PIGF: variants seen among roughly 807,000 people sequenced by gnomAD.
The protein encoded by PIGF is phosphatidylinositol glycan anchor biosynthesis class F.
Under a neutral mutation model 26.0 loss-of-function variants are expected in PIGF, and 23 were observed. That is an observed-to-expected ratio of 0.88 (90% confidence interval 0.64 to 1.25). The LOEUF (loss-of-function observed/expected upper bound fraction) is 1.25, where lower values mean the gene tolerates loss of function less well. PIGF is among the 50% of genes most tolerant of loss of function. PIGF has a pLI of 0.00. For missense variants in PIGF, 278 were observed against 249.9 expected (o/e 1.11, Z -0.76); for synonymous variants, 93 against 92.6 (o/e 1.00, Z -0.03).
chr2:46,610,201 C>G (rs753236047), intron 4 of PIGF, among the ~76,000 whole-genome samples: 1 of 152,140 alleles, frequency 6.6e-6, no homozygotes, highest in African/African-American at 2.4e-5. Context: ...GTTTTTACTG[C>G]CCATTTTGTA....
At chr2:46,584,794 G>A (rs1669515500) in intron 5 of PIGF, among the ~76,000 whole-genome samples, 1 of 151,836 alleles carries the variant, frequency 6.6e-6, no homozygotes, top group African/African-American at 2.4e-5. Context: ...TTTCTTTAAG[G>A]GCCGTTTTCA....
chr2:46,601,893 G>A (rs1670068392), intron 4 of PIGF, among the ~76,000 whole-genome samples: 1 of 151,876 alleles, frequency 6.6e-6, no homozygotes, highest in Non-Finnish European at 1.5e-5. Context: ...AATCTATTTA[G>A]TTCACCAAAA....
intron 4 of PIGF, among the ~76,000 whole-genome samples, chr2:46,602,010 T>C (rs143931172): frequency 6.6e-6 from 1 of 151,456 alleles, no homozygotes; most frequent in African/African-American, 2.4e-5. Context: ...AGATTATTAC[T>C]TTCCTTTATA....
chr2:46,610,744 G>A lies in PIGF; in HGVS notation c.437+1484C>T, dbSNP rs148029688. ...GGGGTTTCACCATGTTGGCCAGGCT[G>A]GTCTTGAACTCCTGACCTCAGGTGA... On this transcript the variant is annotated intron_variant, in intron 4 of 5. Coordinates refer to ENST00000281382, the MANE Select transcript of PIGF (RefSeq NM_002643.4). 2.5e-3 allele frequency among the ~76,000 whole-genome samples: 379 copies of A among 152,098 alleles called. 5 individuals are homozygous for A. The East Asian group carries it at 0.031, about 12-fold the overall frequency.
chr2:46,602,491 A>G (rs1046934243), intron 4 of PIGF, among the ~76,000 whole-genome samples: 18 of 151,880 alleles, frequency 1.2e-4, no homozygotes, highest in African/African-American at 4.1e-4. Flanking sequence ...ACTAATTGAG[A>G]TATCATGCCA....
intron 4 of PIGF, among the ~76,000 whole-genome samples, chr2:46,607,807 G>A (rs543745129): frequency 6.6e-6 from 1 of 152,074 alleles, no homozygotes; most frequent in African/African-American, 2.4e-5. Flanking sequence ...TGATTCTTGT[G>A]CCTCAGCCTC....
chr2:46,607,217 C>T (rs1670251804), intron 4 of PIGF, among the ~76,000 whole-genome samples: 2 of 152,234 alleles, frequency 1.3e-5, no homozygotes, highest in African/African-American at 2.4e-5. Flanking sequence ...CACATACGCA[C>T]ATCTGGTGTT....
At chr2:46,597,409 GT>G (rs979067948) in intron 4 of PIGF, among the ~76,000 whole-genome samples, 79 of 150,386 alleles carry the variant, frequency 5.3e-4, no homozygotes, top group African/African-American at 1.9e-3. Flanking sequence ...TTTGTGGGGG[GT>G]TTTTTGTTGT....
rs192725150 is a variant in PIGF, at chr2:46,607,074, T to C, written c.437+5154A>G. ...CAAATCTATAGAGACAGTAAGTAGA[T>C]TGGTGGTTGCAAAAAGTCATTGAAT... On this transcript the variant is annotated intron_variant, in intron 4 of 5. Coordinates refer to ENST00000281382, the MANE Select transcript of PIGF (RefSeq NM_002643.4). Among the ~76,000 whole-genome samples, 155 of 152,318 alleles carry C rather than the reference T, an allele frequency of 1.0e-3. 1 individual carries two copies. Among genetic ancestry groups the C allele is most frequent in the African/African-American group, 3.6e-3 (151 of 41,586 alleles).
intron 4 of PIGF, among the ~76,000 whole-genome samples, chr2:46,610,216 G>T (rs569701192): frequency 6.6e-6 from 1 of 152,018 alleles, no homozygotes; most frequent in African/African-American, 2.4e-5. Context: ...TTTGTACAGC[G>T]TAGTGATTTT....
chr2:46,613,607 G>A, intron 3 of PIGF, 87 bp downstream of exon 3: 2 of 931,094 alleles, frequency 2.1e-6, no homozygotes, highest in Non-Finnish European at 3.2e-6. Flanking sequence ...GCACATCATG[G>A]TTTTTCTCTA....
intron 4 of PIGF, among the ~76,000 whole-genome samples, chr2:46,610,034 GAGGA>G (rs1262065340): frequency 1.3e-5 from 2 of 152,166 alleles, no homozygotes; most frequent in African/African-American, 4.8e-5. Flanking sequence ...ACAATAAAGT[GAGGA>G]ACAATAAAAT....
At chr2:46,590,469 G>C (rs1451702841) in intron 5 of PIGF, among the ~76,000 whole-genome samples, 1 of 151,994 alleles carries the variant, frequency 6.6e-6, no homozygotes, top group East Asian at 1.9e-4. Context: ...AAACAGAAAA[G>C]ACTTAAATTA....
chr2:46,598,442 A>G (rs6756134), intron 4 of PIGF, among the ~76,000 whole-genome samples: 36,095 of 151,670 alleles, frequency 0.24, 5,247 homozygotes, highest in African/African-American at 0.41. Context: ...AGCTTCTCTA[A>G]CCCACGGCCC....
intron 4 of PIGF, among the ~76,000 whole-genome samples, chr2:46,600,206 T>C (rs1363572030): frequency 6.6e-6 from 1 of 152,208 alleles, no homozygotes; most frequent in Non-Finnish European, 1.5e-5. Flanking sequence ...GGTAGATTGA[T>C]AAGAGGTAAA....
intron 4 of PIGF, among the ~76,000 whole-genome samples, chr2:46,602,992 C>A (rs530060776): frequency 1.3e-5 from 2 of 151,978 alleles, no homozygotes; most frequent in East Asian, 1.9e-4. Flanking sequence ...ACTATTAGAA[C>A]TGATAAACAA....
At chr2:46,587,451 C>T (rs1444168716) in intron 5 of PIGF, among the ~76,000 whole-genome samples, 2 of 147,950 alleles carry the variant, frequency 1.4e-5, no homozygotes, top group Admixed American at 1.3e-4. Context: ...AAAAAAAAAA[C>T]CCAAAAAATT....
rs147969747 is a variant in PIGF at position 46,613,759 on chromosome 2, G to C, written c.255C>G (p.Ile85Met). The stretch of plus-strand genomic sequence containing the variant: ...AGGAGAAACAAGACATAAGAAAGTA[G>C]ATACAGCATTTCAAAAATCCAGTTA... ...HKVTGFLKCC[I>M]YFLMSCFSFH... Residue 85 changes from isoleucine (I) to methionine (M), a missense_variant, in exon 3 of 6, where the codon ATC (isoleucine) becomes ATG (methionine). By Grantham distance (10) the Ile-to-Met change is conservative. Coordinates refer to ENST00000281382, the MANE Select transcript of PIGF (RefSeq NM_002643.4). The C allele has an allele frequency of 6.4e-7, 1 of 1,552,650 alleles. No individual in the cohort carries two copies. Among genetic ancestry groups the C allele is most frequent in the African/African-American group, 1.4e-5 (1 of 73,542 alleles).
intron 4 of PIGF, among the ~76,000 whole-genome samples, chr2:46,597,403 TG>T (rs1669920497): frequency 6.6e-6 from 1 of 151,148 alleles, no homozygotes; most frequent in Non-Finnish European, 1.5e-5. Flanking sequence ...TCAGAATTTG[TG>T]GGGGGTTTTT....
Sources: allele counts gnomAD v4.1 joint callset (sites outside exome capture counted in the v4.1 genomes callset), GRCh38; gene constraint gnomAD v4.1.1; transcripts MANE v1.5; gene names NCBI Gene and HGNC (gene_info 2026-07-23, HGNC 2026-07-21).